The following ARHGAP8 variants were observed in gnomAD, a reference collection of about 807,000 sequenced individuals.
ARHGAP8 encodes Rho GTPase activating protein 8, also known as rho GTPase-activating protein 8.
ARHGAP8 carries 62 observed loss-of-function variants against 46.1 expected under a neutral mutation model. The observed-to-expected ratio is 1.34, with a 90% CI of 1.10 to 1.66. The LOEUF is 1.66. Ranked by LOEUF, ARHGAP8 falls within the 40% of genes most tolerant of loss-of-function variation. The probability of loss-of-function intolerance (pLI) is 0.00; values close to 1 mark genes in which losing one functional copy is unlikely to be tolerated. For missense variants in ARHGAP8, 923 were observed against 568.4 expected, an observed-to-expected ratio of 1.62 and a Z score of -6.34; for synonymous variants, 375 against 243.1, an observed-to-expected ratio of 1.54 and a Z score of -5.05.
At chr22:44,830,477 C>A (rs1349241847) in intron 7 of ARHGAP8, among the ~76,000 whole-genome samples, 2 of 151,720 alleles carry the variant, frequency 1.3e-5, no homozygotes, top group African/African-American at 4.8e-5. Context: ...ATTACAGGTG[C>A]CTGCCACCAT....
intron 5 of ARHGAP8, among the ~76,000 whole-genome samples, chr22:44,815,585 C>T (rs1482309701): frequency 6.6e-6 from 1 of 152,080 alleles, no homozygotes; most frequent in African/African-American, 2.4e-5. Context: ...CCCCAGCCTG[C>T]TGAGTTAAGC....
intron 3 of ARHGAP8, among the ~76,000 whole-genome samples, chr22:44,806,957 C>CA (rs565485539): frequency 0.043 from 4,804 of 112,942 alleles, 314 homozygotes; most frequent in African/African-American, 0.13. Context: ...GACTCTGTCT[C>CA]AAAAAAAAAA....
intron 10 of ARHGAP8, among the ~76,000 whole-genome samples, chr22:44,854,024 CAAAAAAA>C (rs71315119): frequency 4.9e-4 from 21 of 43,270 alleles, no homozygotes; most frequent in Non-Finnish European, 5.2e-4. Context: ...GACTCTGTCT[CAAAAAAA>C]AAAAAAAAAA....
chr22:44,804,130 C>A (rs967241754), intron 3 of ARHGAP8, among the ~76,000 whole-genome samples: 7 of 152,106 alleles, frequency 4.6e-5, no homozygotes, highest in Non-Finnish European at 1.5e-5. Context: ...GCACCCTGCA[C>A]CCTCTGCATT....
intron 10 of ARHGAP8, among the ~76,000 whole-genome samples, chr22:44,857,754 A>C (rs987182933): frequency 2.6e-5 from 4 of 152,168 alleles, no homozygotes; most frequent in Admixed American, 2.0e-4. Context: ...CCAGCCTCCC[A>C]CATGCAAGCT....
Position 44,862,759 on chromosome 22 carries a change from C to CAAAACTCCA in ARHGAP8, c.*164_*165insAAAACTCCA. 24 of 858,930 alleles carry CAAAACTCCA rather than the reference C, an allele frequency of 2.8e-5. No homozygotes were observed. The highest frequency in any genetic ancestry group is 3.9e-5 in the Non-Finnish European group (23 of 589,258). The allele number at this position is 858,930 out of a possible 1,614,324, so 53.2% of individuals were successfully genotyped here. A position where few individuals can be genotyped will look rare whatever the true frequency, so the allele number is the denominator to read the frequency against. ...GTCCTTGGACTCTTGTCCATGGTTC[C>CAAAACTCCA]TGAGCTGTGGACCGGGATAGAATAA... On this transcript the variant is annotated 3_prime_UTR_variant, in exon 12 of 12. Coordinates refer to ENST00000356099, the MANE Select transcript of ARHGAP8 (RefSeq NM_181335.3).
intron 11 of ARHGAP8, among the ~76,000 whole-genome samples, chr22:44,860,296 C>T (rs1035958168): frequency 2.0e-5 from 3 of 152,136 alleles, no homozygotes; most frequent in Non-Finnish European, 4.4e-5. Context: ...CTGTGTCACT[C>T]TTCTAGAGGC....
intron 7 of ARHGAP8, among the ~76,000 whole-genome samples, chr22:44,826,907 G>A (rs1258943160): frequency 6.6e-6 from 1 of 152,180 alleles, no homozygotes; most frequent in Non-Finnish European, 1.5e-5. Flanking sequence ...TTCTTTCTTG[G>A]CCAAGAGTGG....
chr22:44,860,746 C>G (rs569111740), intron 11 of ARHGAP8, among the ~76,000 whole-genome samples: 1 of 128,408 alleles, frequency 7.8e-6, no homozygotes, highest in Non-Finnish European at 1.8e-5. Context: ...GAGCAAAAAC[C>G]TGTGCAGCCA....
chr22:44,847,298 C>A (rs540400829), intron 8 of ARHGAP8, among the ~76,000 whole-genome samples: 1 of 152,310 alleles, frequency 6.6e-6, no homozygotes, highest in Admixed American at 6.5e-5. Flanking sequence ...TCTTTATAAA[C>A]TGACAATGGA....
At chr22:44,839,403 G>A (rs1404150238) in intron 7 of ARHGAP8, among the ~76,000 whole-genome samples, 7 of 140,602 alleles carry the variant, frequency 5.0e-5, no homozygotes, top group Admixed American at 3.4e-4. Flanking sequence ...CCTTATGGCT[G>A]TGGACAGAGT....
chr22:44,837,402 C>A (rs1313558219), intron 7 of ARHGAP8, among the ~76,000 whole-genome samples: 1 of 152,176 alleles, frequency 6.6e-6, no homozygotes, highest in East Asian at 1.9e-4. Flanking sequence ...CTGTGCTGAC[C>A]AACAAACTGT....
At chr22:44,850,361 A>T (rs532638415) in intron 10 of ARHGAP8, 28 of 144,592 alleles carry the variant, frequency 1.9e-4, no homozygotes, top group African/African-American at 7.8e-4. Context: ...GATCATGCGC[A>T]TAGAGGTACC....
At chr22:44,811,059 C>A (rs774276084) in intron 4 of ARHGAP8, among the ~76,000 whole-genome samples, 3 of 152,218 alleles carry the variant, frequency 2.0e-5, no homozygotes, top group African/African-American at 7.2e-5. Flanking sequence ...GCAGCTCCCC[C>A]ACTTCTCAGT....
chr22:44,862,178 C>T (rs956280079), intron 11 of ARHGAP8, 97 bp from the exon 12 acceptor site: 6 of 1,443,528 alleles, frequency 4.2e-6, no homozygotes, highest in East Asian at 2.3e-5. Flanking sequence ...GTGCTCCTCT[C>T]ACTACACCTA....
At chr22:44,861,192 G>A (rs1047112726) in intron 11 of ARHGAP8, among the ~76,000 whole-genome samples, 3 of 151,960 alleles carry the variant, frequency 2.0e-5, no homozygotes, top group Non-Finnish European at 4.4e-5. Context: ...GGCTGATCTT[G>A]AACTCCTGAC....
chr22:44,806,740 G>C (rs1046826033), intron 3 of ARHGAP8, among the ~76,000 whole-genome samples: 1 of 151,886 alleles, frequency 6.6e-6, no homozygotes, highest in Non-Finnish European at 1.5e-5. Flanking sequence ...GGATCACGAG[G>C]TCAGAAGATC....
intron 2 of ARHGAP8, among the ~76,000 whole-genome samples, chr22:44,787,969 C>A (rs1204586616): frequency 8.2e-6 from 1 of 121,228 alleles, no homozygotes; most frequent in Non-Finnish European, 1.6e-5. Context: ...AAGAAAACTT[C>A]TAGGATTTAG....
chr22:44,816,429 C>T (rs1233504515), intron 5 of ARHGAP8, among the ~76,000 whole-genome samples: 10 of 152,188 alleles, frequency 6.6e-5, no homozygotes, highest in African/African-American at 1.2e-4. Flanking sequence ...TACACTGCCC[C>T]GTCCCACCCT....
Sources: allele counts gnomAD v4.1 joint callset (sites outside exome capture counted in the v4.1 genomes callset), GRCh38; gene constraint gnomAD v4.1.1; transcripts MANE v1.5; gene names NCBI Gene and HGNC (gene_info 2026-07-23, HGNC 2026-07-21).